Variants in ZNF33A observed in about 807,000 individuals in gnomAD.
ZNF33A encodes the protein zinc finger protein 33A, also known as brain my041 protein.
A neutral mutation model predicts 15.9 loss-of-function variants in ZNF33A; 9 were observed. The ratio of observed to expected loss-of-function variants is 0.57; its 90% CI spans 0.34 to 0.99. The LOEUF (loss-of-function observed/expected upper bound fraction) is 0.99, where lower values mean the gene tolerates loss of function less well. Among genes scored for constraint, ZNF33A ranks in the 50% least tolerant of loss-of-function variants. The probability of loss-of-function intolerance (pLI) is 0.02; values close to 1 mark genes in which losing one functional copy is unlikely to be tolerated. For missense variants in ZNF33A, 843 were observed against 941.6 expected, an observed-to-expected ratio of 0.90 and a Z score of 1.37; for synonymous variants, 294 against 324.2, an observed-to-expected ratio of 0.91 and a Z score of 1.00.
intron 4 of ZNF33A, among the ~76,000 whole-genome samples, chr10:38,050,042 C>A (rs1436296209): frequency 6.6e-6 from 1 of 152,130 alleles, no homozygotes; most frequent in Non-Finnish European, 1.5e-5. Flanking sequence ...ACAAAGAAAA[C>A]CCCAGGTCCC....
chr10:38,014,244 C>A (rs1564831019), intron 2 of ZNF33A, among the ~76,000 whole-genome samples: 1 of 151,868 alleles, frequency 6.6e-6, no homozygotes, highest in Non-Finnish European at 1.5e-5. Context: ...TTTACTTGGC[C>A]AGGCTGGTCT....
intron 4 of ZNF33A, among the ~76,000 whole-genome samples, chr10:38,022,486 G>A (rs1040282066): frequency 9.9e-5 from 15 of 151,846 alleles, no homozygotes; most frequent in African/African-American, 1.5e-4. Context: ...GTGAAACTCC[G>A]TCTCTACTAA....
chr10:38,063,519 AT>A (rs2066680181), downstream of ZNF33A, among the ~76,000 whole-genome samples: 1 of 143,026 alleles, frequency 7.0e-6, no homozygotes, highest in Non-Finnish European at 1.6e-5. Flanking sequence ...TTGTTCAGTG[AT>A]TTCATGGAGT....
At position 38,024,139 on chromosome 10, in the gene ZNF33A, T is replaced by C. The variant is rs140144093; in HGVS notation, c.250+6753T>C. Reference sequence around the variant, plus strand: ...TGCATACCAGCTTGGGCAACAAGAGTGAAACTCCGTCTCAAAAACAAAACA... The same window carrying C: ...TGCATACCAGCTTGGGCAACAAGAGCGAAACTCCGTCTCAAAAACAAAACA... On this transcript the variant is annotated intron_variant, in intron 4 of 4. Coordinates refer to ENST00000432900, the MANE Select transcript of ZNF33A (RefSeq NM_006954.2). Among the ~76,000 whole-genome samples, 48 of 95,230 alleles carry C rather than the reference T, an allele frequency of 5.0e-4. No homozygotes were observed. The East Asian group carries it at 0.012, about 24-fold the overall frequency. The allele number at this position is 95,230 out of a possible 152,430, so 62.5% of individuals were successfully genotyped here. A position where few individuals can be genotyped will look rare whatever the true frequency, so the allele number is the denominator to read the frequency against.
At chr10:38,016,309 T>C (rs1473727927) in intron 2 of ZNF33A, among the ~76,000 whole-genome samples, 1 of 152,230 alleles carries the variant, frequency 6.6e-6, no homozygotes, top group African/African-American at 2.4e-5. Context: ...TTGGAGACCA[T>C]TGGTCTAAAA....
chr10:38,026,207 T>TA (rs1325294349), intron 4 of ZNF33A, among the ~76,000 whole-genome samples: 2 of 152,362 alleles, frequency 1.3e-5, no homozygotes, highest in East Asian at 3.9e-4. Context: ...GGCATATCAT[T>TA]ATCTGCTCAA....
chr10:38,013,905 C>G (rs943670706), intron 2 of ZNF33A, among the ~76,000 whole-genome samples: 2 of 152,114 alleles, frequency 1.3e-5, no homozygotes, highest in African/African-American at 4.8e-5. Context: ...TTGTCCCCCT[C>G]ACAATCCTGA....
intron 1 of ZNF33A, among the ~76,000 whole-genome samples, chr10:38,011,489 T>A (rs1253767650): frequency 4.7e-4 from 71 of 152,126 alleles, no homozygotes; most frequent in Non-Finnish European, 5.9e-5. Flanking sequence ...GGCGGAAAAT[T>A]GCTTGAACCC....
intron 4 of ZNF33A, among the ~76,000 whole-genome samples, chr10:38,045,422 C>T (rs145401317): frequency 8.9e-4 from 136 of 152,284 alleles, no homozygotes; most frequent in Non-Finnish European, 1.7e-3. Context: ...ACGTATTGCT[C>T]TATTGTTTTC....
intron 4 of ZNF33A, among the ~76,000 whole-genome samples, chr10:38,020,620 A>C (rs2135563629): frequency 6.6e-6 from 1 of 152,326 alleles, no homozygotes; most frequent in East Asian, 1.9e-4. Context: ...AAAATTTAAC[A>C]TTCTGCTTCC....
chr10:38,034,001 GC>G (rs2065332247), intron 4 of ZNF33A, among the ~76,000 whole-genome samples: 2 of 152,106 alleles, frequency 1.3e-5, no homozygotes, highest in Admixed American at 1.3e-4. Flanking sequence ...GTGAGCTGCT[GC>G]TCCCGGCCTG....
At chr10:38,024,874 C>A (rs2064913595) in intron 4 of ZNF33A, among the ~76,000 whole-genome samples, 2 of 152,136 alleles carry the variant, frequency 1.3e-5, no homozygotes, top group Non-Finnish European at 2.9e-5. Context: ...TCTAGCATAC[C>A]CAGGCTGTAT....
intron 2 of ZNF33A, among the ~76,000 whole-genome samples, chr10:38,012,895 TACAG>T (rs2064260325): frequency 6.6e-6 from 1 of 152,212 alleles, no homozygotes; most frequent in South Asian, 2.1e-4. Context: ...AGACACTGGA[TACAG>T]ACAGACTGAC....
At chr10:38,042,558 A>AT (rs1414821830) in intron 4 of ZNF33A, among the ~76,000 whole-genome samples, 78 of 56,652 alleles carry the variant, frequency 1.4e-3, no homozygotes, top group African/African-American at 3.7e-3. Context: ...GTATTTATTT[A>AT]TTTTTTTTTT....
intron 1 of ZNF33A, 120 bp from the exon 2 acceptor site, chr10:38,012,170 GACATTGAT>G (rs1296768206): frequency 5.0e-6 from 4 of 799,252 alleles, no homozygotes; most frequent in Non-Finnish European, 8.0e-6. Context: ...AGTGTCAGAG[GACATTGAT>G]ACTCTCCCAG....
At chr10:38,054,311 C>T (rs530867366) in intron 4 of ZNF33A, 64 bp from the exon 5 acceptor site, 76 of 1,439,556 alleles carry the variant, frequency 5.3e-5, no homozygotes, top group African/African-American at 2.2e-4. Context: ...ATTTGTTTAG[C>T]GATTTCATTC....
At chr10:38,018,981 T>C (rs1338915891) in intron 4 of ZNF33A, among the ~76,000 whole-genome samples, 1 of 151,880 alleles carries the variant, frequency 6.6e-6, no homozygotes, top group Non-Finnish European at 1.5e-5. Context: ...AATTTTATTT[T>C]ATTTTATTTT....
At chr10:38,060,091 C>T (rs185914536), downstream of ZNF33A, 37 of 985,230 alleles carry the variant, frequency 3.8e-5, no homozygotes, top group Admixed American at 2.2e-3. Context: ...CTAAGGTGTT[C>T]TTTTGTTAGT....
In ZNF33A at chr10:38,017,721, A is replaced by G. The variant is rs181284819; in HGVS notation, c.250+335A>G. ...ACCTTGCCTCCCTTGTTTTGTGTTTATTCTGTTGTCAGAATTTTTTATACA... is the reference window on the plus strand; with the variant it reads ...ACCTTGCCTCCCTTGTTTTGTGTTTGTTCTGTTGTCAGAATTTTTTATACA... On this transcript the variant is annotated intron_variant, in intron 4 of 4. Coordinates refer to ENST00000432900, the MANE Select transcript of ZNF33A (RefSeq NM_006954.2). 5.7e-5 allele frequency: 11 copies of G among 192,884 alleles called. No homozygotes were observed. In the South Asian group the frequency reaches 8.6e-4, roughly 15 times the overall value. The allele number at this position is 192,884 out of a possible 1,614,324, so 11.9% of individuals were successfully genotyped here. A position where few individuals can be genotyped will look rare whatever the true frequency, so the allele number is the denominator to read the frequency against.
Sources: gnomAD v4.1 joint callset for allele counts (sites outside exome capture counted in the v4.1 genomes callset) on GRCh38, gnomAD v4.1.1 for gene constraint, MANE v1.5 for transcripts, NCBI Gene and HGNC (gene_info 2026-07-23, HGNC 2026-07-21) for gene names.